DEAF1: variants seen among roughly 807,000 people sequenced by gnomAD.
DEAF1 encodes the protein DEAF1 transcription factor.
A neutral mutation model predicts 58.9 loss-of-function variants in DEAF1; 53 were observed. The ratio of observed to expected loss-of-function variants is 0.90; its 90% CI spans 0.72 to 1.13. DEAF1 has a LOEUF of 1.13. DEAF1 is among the 50% of genes most tolerant of loss of function. DEAF1 has a pLI of 0.00. For synonymous variants in DEAF1, 385 were observed against 340.4 expected, an observed-to-expected ratio of 1.13 and a Z score of -1.44; for missense variants, 685 against 791.4, an observed-to-expected ratio of 0.87 and a Z score of 1.61.
chr11:645,250 C>A (rs1858434197), intron 11 of DEAF1, among the ~76,000 whole-genome samples: 1 of 151,372 alleles, frequency 6.6e-6, no homozygotes, highest in African/African-American at 2.4e-5. Context: ...CAAAAAATAT[C>A]ACACATGCAG....
At position 694,969 on chromosome 11, in the gene DEAF1, C is replaced by G; in HGVS notation, c.79G>C (p.Ala27Pro). The change falls in exon 1 of 12, where the codon GCG (alanine) becomes CCG (proline). Residue 27 changes from alanine (A) to proline (P), a missense_variant. This residue lies in a region of DEAF1 where 210 missense variants were observed against 177.3 expected (regional missense o/e 1.18). Transcript: ENST00000382409. ...CCTCCTGCCGCGGCCGCGGCCGCCG[C>G]CGCCACAGCGGCCGCGGCCGCCACC... ...AAVAAAAAVA[A>P]AAAAAAGGEA... 1 of 1,171,450 alleles carries G rather than the reference C, an allele frequency of 8.5e-7. No individual in the cohort carries two copies. The highest frequency in any genetic ancestry group is 1.1e-6 in the Non-Finnish European group (1 of 949,448). 72.6% of individuals were successfully genotyped at this position (1,171,450 alleles called of 1,614,324 possible).
intron 10 of DEAF1, among the ~76,000 whole-genome samples, chr11:662,299 T>A (rs1387284273): frequency 6.6e-6 from 1 of 151,992 alleles, no homozygotes; most frequent in Non-Finnish European, 1.5e-5. Flanking sequence ...CAAAAAAAAA[T>A]TATGAGATTT....
At chr11:686,726 A>C in intron 5 of DEAF1, 132 bp downstream of exon 5, 1 of 1,238,284 alleles carries the variant, frequency 8.1e-7, no homozygotes, top group Non-Finnish European at 1.1e-6. Context: ...CCAAGGCCAC[A>C]CAGACAGCAG....
Position 700,626 on chromosome 11 carries a change from A to C in DEAF1, c.-438+5946T>G, listed in dbSNP as rs781760079. On this transcript the variant is annotated intron_variant, in intron 1 of 11. Coordinates refer to the DEAF1 transcript ENST00000683307. ...CCTCTGCTCTTCAGGTCAGGTGTTC[A>C]GCTATCCTCACCGCTACCTGGTCCT... 5.6e-6 allele frequency: 9 copies of C among 1,613,688 alleles called. No individual in the cohort carries two copies. The highest frequency in any genetic ancestry group is 6.8e-6 in the Non-Finnish European group (8 of 1,180,004).
Position 688,099 on chromosome 11 carries a change from G to T in DEAF1, c.518-42C>A, listed in dbSNP as rs761315612. 2 of 1,612,066 alleles carry T rather than the reference G, an allele frequency of 1.2e-6. No homozygotes were observed. The highest frequency in any genetic ancestry group is 1.3e-5 in the African/African-American group (1 of 74,892). On this transcript the variant is annotated intron_variant, in intron 3 of 11. Transcript: ENST00000382409. The surrounding 1 kb of genome is among the most constrained non-coding windows in gnomAD (Gnocchi z 4.3). ...GTTTGAAGGTGAGAGGCCGGACACC[G>T]GGAAGCATAGTACACTCTCATCTCA...
intron 6 of DEAF1, among the ~76,000 whole-genome samples, chr11:681,393 G>A (rs530205894): frequency 6.8e-5 from 10 of 147,992 alleles, no homozygotes; most frequent in East Asian, 2.0e-4. Flanking sequence ...CACCACACCC[G>A]GCTAATTTTC....
chr11:681,572 GGC>G (rs1297319431), intron 6 of DEAF1, among the ~76,000 whole-genome samples: 3 of 151,958 alleles, frequency 2.0e-5, no homozygotes, highest in African/African-American at 7.3e-5. Context: ...CACCAAGCCT[GGC>G]TAGTGTTTTG....
chr11:671,691 G>T (rs1859830209), intron 10 of DEAF1, among the ~76,000 whole-genome samples: 1 of 150,718 alleles, frequency 6.6e-6, no homozygotes, highest in Non-Finnish European at 1.5e-5. Context: ...GGGCAACACG[G>T]CAAGACCCAG....
chr11:696,518 C>G (rs929819620), upstream of DEAF1, among the ~76,000 whole-genome samples: 2 of 152,184 alleles, frequency 1.3e-5, no homozygotes, highest in Non-Finnish European at 2.9e-5. Context: ...GTGGCTCAGG[C>G]CTGTAAGCCT....
intron 10 of DEAF1, among the ~76,000 whole-genome samples, chr11:670,245 A>C (rs752849207): frequency 6.6e-6 from 1 of 152,134 alleles, no homozygotes; most frequent in African/African-American, 2.4e-5. Context: ...TTTGCTGTAC[A>C]TACAGTTTAC....
intron 1 of DEAF1, 90 bp downstream of exon 1, chr11:694,669 G>A (rs1008627510): frequency 1.7e-6 from 2 of 1,197,170 alleles, no homozygotes; most frequent in East Asian, 6.7e-5. Context: ...AGGTGTGGCG[G>A]GCTGGTCACC....
At chr11:690,507 A>T (rs1860792120) in intron 2 of DEAF1, among the ~76,000 whole-genome samples, 1 of 151,870 alleles carries the variant, frequency 6.6e-6, no homozygotes, top group Admixed American at 6.6e-5. Flanking sequence ...TAATCCCAGC[A>T]CTTTGGGAGG....
upstream of DEAF1, chr11:695,525 G>A: frequency 9.4e-7 from 1 of 1,063,370 alleles, no homozygotes; most frequent in African/African-American, 1.6e-5. Context: ...GCTTAGTGCC[G>A]CGGGTTTCGC....
At chr11:648,709 T>C (rs1336815287) in intron 11 of DEAF1, among the ~76,000 whole-genome samples, 1 of 152,122 alleles carries the variant, frequency 6.6e-6, no homozygotes, top group East Asian at 1.9e-4. Flanking sequence ...CTTGAGGAAA[T>C]TCTATCCTCC....
upstream of DEAF1, chr11:698,867 A>G (rs1373966178): frequency 2.5e-6 from 4 of 1,614,050 alleles, no homozygotes; most frequent in Admixed American, 5.0e-5. Flanking sequence ...TTTCTCTTTC[A>G]GGGAGAGGAT....
intron 10 of DEAF1, among the ~76,000 whole-genome samples, chr11:666,890 A>AG (rs1356017279): frequency 4.0e-5 from 6 of 150,596 alleles, no homozygotes; most frequent in African/African-American, 7.4e-5. Context: ...AAAAAAAAAA[A>AG]AAAAAAAGAA....
chr11:692,115 C>T (rs1860862394), intron 1 of DEAF1: 1 of 233,834 alleles, frequency 4.3e-6, no homozygotes, highest in African/African-American at 2.2e-5. Context: ...TGGTCTCTGA[C>T]CCCTTCCTCC....
rs576494646 is a variant in DEAF1 at position 678,059 on chromosome 11, T to C, written c.1255+635A>G. Among the ~76,000 whole-genome samples, 10 of 150,936 alleles carry C rather than the reference T, an allele frequency of 6.6e-5. No homozygotes were observed. In the South Asian group the frequency reaches 1.9e-3, roughly 29 times the overall value. On this transcript the variant is annotated intron_variant, in intron 9 of 11. Coordinates refer to ENST00000382409, the MANE Select transcript of DEAF1 (RefSeq NM_021008.4). ...CAGCACTTTGGGAGGCTGAGGCGGA[T>C]GGATCACTTGAGGTCAGGAGTTCGA...
chr11:703,065 A>G, intron 1 of DEAF1: 1 of 1,612,694 alleles, frequency 6.2e-7, no homozygotes, highest in Non-Finnish European at 8.5e-7. Context: ...TTGTGGGCGG[A>G]CTGGGCCCTC....
Sources: gnomAD v4.1 joint callset for allele counts (sites outside exome capture counted in the v4.1 genomes callset) on GRCh38, gnomAD v4.1.1 for gene constraint, gnomAD v4.1.1 regional missense constraint, Gnocchi (gnomAD v3.1) non-coding constraint, MANE v1.5 for transcripts, NCBI Gene and HGNC (gene_info 2026-07-23, HGNC 2026-07-21) for gene names.